Variants in PRKG1 observed in about 807,000 individuals in gnomAD.
The protein encoded by PRKG1 is cGMP-dependent protein kinase 1.
Under a neutral mutation model 88.1 loss-of-function variants are expected in PRKG1, and 35 were observed. The ratio of observed to expected loss-of-function variants is 0.40; its 90% CI spans 0.30 to 0.53. The LOEUF (loss-of-function observed/expected upper bound fraction) is 0.53. Ranked by LOEUF, PRKG1 falls within the 20% of genes least tolerant of loss-of-function variation. The pLI, the probability that PRKG1 is intolerant of heterozygous loss-of-function variation, is 0.59. For missense variants in PRKG1, 540 were observed against 839.8 expected, an observed-to-expected ratio of 0.64 and a Z score of 4.41; for synonymous variants, 303 against 292.5, an observed-to-expected ratio of 1.04 and a Z score of -0.37.
intron 3 of PRKG1, among the ~76,000 whole-genome samples, chr10:51,734,741 A>C (rs1334038030): frequency 2.0e-5 from 3 of 152,180 alleles, no homozygotes; most frequent in African/African-American, 7.2e-5. Flanking sequence ...AAACAGAATA[A>C]ATCTGCAGCA....
At chr10:51,483,229 C>A (rs1218923087) in intron 3 of PRKG1, among the ~76,000 whole-genome samples, 1 of 152,006 alleles carries the variant, frequency 6.6e-6, no homozygotes, top group Non-Finnish European at 1.5e-5. Flanking sequence ...ATTATGTTGG[C>A]CAGGCTAGTC....
At chr10:51,957,245 T>TTTC (rs1843334792) in intron 5 of PRKG1, among the ~76,000 whole-genome samples, 2 of 129,506 alleles carry the variant, frequency 1.5e-5, no homozygotes, top group Non-Finnish European at 3.3e-5. Context: ...TACTTCTCTC[T>TTTC]TTTCTTTCAT....
intron 2 of PRKG1, among the ~76,000 whole-genome samples, chr10:51,276,098 A>T (rs1283998755): frequency 6.6e-6 from 1 of 151,920 alleles, no homozygotes; most frequent in East Asian, 1.9e-4. Context: ...ATATCTCTTA[A>T]TGCTATCCCT....
intron 1 of PRKG1, among the ~76,000 whole-genome samples, chr10:51,045,844 G>A (rs1476065886): frequency 1.3e-5 from 2 of 151,972 alleles, no homozygotes; most frequent in Non-Finnish European, 2.9e-5. Context: ...TTTCCTCATA[G>A]ACTAATTTAT....
At position 51,151,569 on chromosome 10, in the gene PRKG1, GTT is replaced by G. The variant is rs11326259; in HGVS notation, c.312-1584_312-1583del. Among the ~76,000 whole-genome samples, 56 of 146,200 alleles carry G rather than the reference GTT, an allele frequency of 3.8e-4. No homozygotes were observed. The South Asian group carries it at 3.9e-3, about 10-fold the overall frequency. On this transcript the variant is annotated intron_variant, in intron 1 of 17. Transcript: ENST00000373980. ...CTTCAAAACCTATGTTTTTGTTTTT[GTT>G]TTTTTTTTTTAACATTTTAGTAGGC...
chr10:51,879,822 G>A (rs1291348198), intron 4 of PRKG1, among the ~76,000 whole-genome samples: 1 of 152,160 alleles, frequency 6.6e-6, no homozygotes, highest in African/African-American at 2.4e-5. Flanking sequence ...GGGCATCTGG[G>A]TTCTGAAATC....
intron 5 of PRKG1, among the ~76,000 whole-genome samples, chr10:52,010,329 A>G (rs1167653154): frequency 6.7e-6 from 1 of 149,596 alleles, no homozygotes; most frequent in Admixed American, 6.6e-5. Flanking sequence ...CAAAAACAAC[A>G]AACAATCACA....
intron 5 of PRKG1, among the ~76,000 whole-genome samples, chr10:52,034,428 A>G (rs2133215792): frequency 6.7e-6 from 1 of 148,906 alleles, no homozygotes; most frequent in East Asian, 2.0e-4. Context: ...TAGAAGAAAC[A>G]TTTGTCATAT....
chr10:52,154,901 T>C (rs1022039158), intron 8 of PRKG1, among the ~76,000 whole-genome samples: 3 of 152,208 alleles, frequency 2.0e-5, no homozygotes, highest in African/African-American at 7.2e-5. Context: ...TATTTGGCTT[T>C]CCTTTCCTGA....
intron 14 of PRKG1, among the ~76,000 whole-genome samples, chr10:52,284,978 A>C (rs993578067): frequency 3.3e-5 from 5 of 152,092 alleles, no homozygotes; most frequent in Admixed American, 2.6e-4. Flanking sequence ...ATAAGGCAAC[A>C]AACAGTAGTG....
chr10:51,552,831 T>C (rs1042805577), intron 3 of PRKG1, among the ~76,000 whole-genome samples: 2 of 151,784 alleles, frequency 1.3e-5, no homozygotes, highest in African/African-American at 4.8e-5. Flanking sequence ...ACCGTATTTT[T>C]ACTGGCAGAA....
At chr10:52,180,840 C>A (rs771845549) in intron 9 of PRKG1, among the ~76,000 whole-genome samples, 5 of 152,132 alleles carry the variant, frequency 3.3e-5, no homozygotes, top group Non-Finnish European at 5.9e-5. Context: ...TGGCTGGGGG[C>A]ATGGGTGCAC....
intron 3 of PRKG1, among the ~76,000 whole-genome samples, chr10:51,537,727 C>CAAAAAA (rs33928221): frequency 6.5e-5 from 7 of 107,572 alleles, no homozygotes; most frequent in African/African-American, 2.6e-4. Flanking sequence ...GAGTCTGTCT[C>CAAAAAA]AAAAAAAAAA....
intron 2 of PRKG1, among the ~76,000 whole-genome samples, chr10:51,153,958 C>G (rs1350554616): frequency 6.6e-6 from 1 of 151,912 alleles, no homozygotes; most frequent in Admixed American, 6.6e-5. Flanking sequence ...TCTTTCTGAC[C>G]TGAAATCTAT....
Position 52,031,735 on chromosome 10 carries a change from A to T in PRKG1, c.763-22749A>T, listed in dbSNP as rs571741579. Among the ~76,000 whole-genome samples the T allele has an allele frequency of 2.4e-4, 37 of 152,338 alleles. 1 individual carries two copies. The South Asian group carries it at 7.2e-3, about 30-fold the overall frequency. On this transcript the variant is annotated intron_variant, in intron 5 of 17. Transcript: ENST00000373980. Reference sequence around the variant, plus strand: ...TGGACTCTGTTCTAATTTGGGTATAAGATATATAAATAATCTCTAAGAACA... The same window carrying T: ...TGGACTCTGTTCTAATTTGGGTATATGATATATAAATAATCTCTAAGAACA...
At chr10:51,143,236 A>T (rs183605198) in intron 1 of PRKG1, among the ~76,000 whole-genome samples, 82 of 152,160 alleles carry the variant, frequency 5.4e-4, no homozygotes, top group African/African-American at 2.0e-3. Flanking sequence ...TGTGGTATTC[A>T]TCTTTTTGTG....
chr10:51,941,237 A>C (rs1431371144), intron 5 of PRKG1, among the ~76,000 whole-genome samples: 1 of 151,978 alleles, frequency 6.6e-6, no homozygotes, highest in Non-Finnish European at 1.5e-5. Flanking sequence ...AATATTTGGA[A>C]AATGCAAAAG....
At chr10:51,178,503 G>T (rs566150732) in intron 2 of PRKG1, among the ~76,000 whole-genome samples, 1 of 152,066 alleles carries the variant, frequency 6.6e-6, no homozygotes, top group African/African-American at 2.4e-5. Context: ...CAGGCATGGT[G>T]GTGGGCACTT....
intron 3 of PRKG1, among the ~76,000 whole-genome samples, chr10:51,508,067 T>C (rs1458110703): frequency 6.6e-6 from 1 of 152,156 alleles, no homozygotes; most frequent in Non-Finnish European, 1.5e-5. Flanking sequence ...GTCCTAGCTT[T>C]GTCATTTACT....
Sources: allele counts gnomAD v4.1 joint callset (sites outside exome capture counted in the v4.1 genomes callset), GRCh38; gene constraint gnomAD v4.1.1; transcripts MANE v1.5; gene names NCBI Gene and HGNC (gene_info 2026-07-23, HGNC 2026-07-21).